KIRREL3: variants seen among roughly 807,000 people sequenced by gnomAD.
KIRREL3 encodes the protein kirre like nephrin family adhesion molecule 3, also known as kin of IRRE-like protein 3.
Under a neutral mutation model 89.7 loss-of-function variants are expected in KIRREL3, and 36 were observed. The observed-to-expected ratio is 0.40, with a 90% CI of 0.31 to 0.53. The LOEUF is 0.53. KIRREL3 is among the 20% of genes least tolerant of loss of function. KIRREL3 has a pLI of 0.49. For missense variants in KIRREL3, 864 were observed against 1,056.6 expected, an observed-to-expected ratio of 0.82 and a Z score of 2.53; for synonymous variants, 445 against 441.4, an observed-to-expected ratio of 1.01 and a Z score of -0.10.
chr11:126,971,046 C>T (rs1949414513), intron 1 of KIRREL3, among the ~76,000 whole-genome samples: 1 of 152,198 alleles, frequency 6.6e-6, no homozygotes, highest in African/African-American at 2.4e-5. Context: ...TTGTTCCCCA[C>T]TCTCAACAGT....
At chr11:126,968,932 G>A (rs532270476) in intron 1 of KIRREL3, among the ~76,000 whole-genome samples, 1 of 152,224 alleles carries the variant, frequency 6.6e-6, no homozygotes, top group East Asian at 1.9e-4. Context: ...AAAAAACGGG[G>A]CATGACTGGA....
At chr11:126,440,059 C>T (rs905100138) in intron 11 of KIRREL3, 3 of 395,780 alleles carry the variant, frequency 7.6e-6, no homozygotes, top group Non-Finnish European at 1.5e-5. Flanking sequence ...CTCCAGGAGG[C>T]ACAGAAAGGG....
At chr11:126,789,701 T>C (rs1418560975) in intron 1 of KIRREL3, among the ~76,000 whole-genome samples, 1 of 152,166 alleles carries the variant, frequency 6.6e-6, no homozygotes, top group Non-Finnish European at 1.5e-5. Context: ...AGTCCAAACT[T>C]CTCCAGATTC....
chr11:126,762,910 G>A (rs541913592), intron 1 of KIRREL3, among the ~76,000 whole-genome samples: 4 of 152,216 alleles, frequency 2.6e-5, no homozygotes, highest in African/African-American at 9.6e-5. Flanking sequence ...TTGCAATAGC[G>A]TCTGCAACTC....
chr11:126,916,325 A>G (rs1263703266), intron 1 of KIRREL3, among the ~76,000 whole-genome samples: 1 of 152,128 alleles, frequency 6.6e-6, no homozygotes, highest in African/African-American at 2.4e-5. Context: ...CACCCAAAGG[A>G]TTTATTAAAA....
In KIRREL3 at chr11:126,491,103, G is replaced by A. The variant is rs1172853172; in HGVS notation, c.434-17637C>T. Among the ~76,000 whole-genome samples, 1 of 152,200 alleles carries A rather than the reference G, an allele frequency of 6.6e-6. No individual in the cohort carries two copies. Among genetic ancestry groups the A allele is most frequent in the South Asian group, 2.1e-4 (1 of 4,828 alleles). Reference sequence around the variant, plus strand: ...GAGGGCTTCAGATAATCCTGAAACCGGAATCCCAAAGACAAGCCCTGAGTC... The same window carrying A: ...GAGGGCTTCAGATAATCCTGAAACCAGAATCCCAAAGACAAGCCCTGAGTC... On this transcript the variant is annotated intron_variant, in intron 4 of 16. Transcript: ENST00000525144. The surrounding 1 kb of genome is among the most constrained non-coding windows in gnomAD (Gnocchi z 5.5).
intron 1 of KIRREL3, among the ~76,000 whole-genome samples, chr11:126,798,325 T>C (rs886818440): frequency 6.6e-6 from 1 of 152,134 alleles, no homozygotes; most frequent in Non-Finnish European, 1.5e-5. Context: ...TTGCTGGGGT[T>C]CCTAACCTGC....
rs1009667896 is a variant in KIRREL3 at position 126,710,392 on chromosome 11, G to A, written c.56-147480C>T. ...TCTCCTCTTCCTGTTGAAGTTCAGC[G>A]TGGTTCTGGAAGTACCTGAGTGGGA... On this transcript the variant is annotated intron_variant, in intron 1 of 16. Transcript: ENST00000525144. This position sits in a 1 kb window ranked among gnomAD's most constrained non-coding sequence, Gnocchi z 4.2. Among the ~76,000 whole-genome samples the A allele has an allele frequency of 5.3e-5, 8 of 152,150 alleles. No homozygotes were observed. The East Asian group carries it at 5.8e-4, about 11-fold the overall frequency.
intron 1 of KIRREL3, among the ~76,000 whole-genome samples, chr11:126,794,177 T>C (rs1950732430): frequency 6.6e-6 from 1 of 152,254 alleles, no homozygotes; most frequent in Non-Finnish European, 1.5e-5. Flanking sequence ...ATGGCTGGGA[T>C]TAATTTTTAA....
In KIRREL3 at chr11:126,475,571, C is replaced by T. The variant is rs930874150; in HGVS notation, c.434-2105G>A. 2.0e-5 allele frequency among the ~76,000 whole-genome samples: 3 copies of T among 152,212 alleles called. No homozygotes were observed. The highest frequency in any genetic ancestry group is 2.0e-4 in the Admixed American group (3 of 15,284). On this transcript the variant is annotated intron_variant, in intron 4 of 16. Transcript: ENST00000525144. The surrounding 1 kb of genome is among the most constrained non-coding windows in gnomAD (Gnocchi z 7.5). ...CAGGGGCAGCGAGCCCCGGACTCCA[C>T]CGAGATCCTGGCTCAGGAACAGAGT...
At chr11:126,921,333 T>G (rs1947266952) in intron 1 of KIRREL3, among the ~76,000 whole-genome samples, 1 of 152,202 alleles carries the variant, frequency 6.6e-6, no homozygotes, top group Non-Finnish European at 1.5e-5. Context: ...TCATGGGACT[T>G]CTCAGCCTCC....
intron 1 of KIRREL3, among the ~76,000 whole-genome samples, chr11:126,644,982 A>G (rs1314260525): frequency 1.3e-5 from 2 of 152,202 alleles, no homozygotes; most frequent in African/African-American, 4.8e-5. Flanking sequence ...GCTAAAATCT[A>G]TGCCCTGGAA....
At chr11:126,658,581 A>T (rs747781131) in intron 1 of KIRREL3, among the ~76,000 whole-genome samples, 9 of 152,178 alleles carry the variant, frequency 5.9e-5, no homozygotes, top group Non-Finnish European at 1.2e-4. Context: ...TAACCTATTG[A>T]TCTTTTATAC....
Position 126,977,565 on chromosome 11 carries a change from C to T in KIRREL3, c.55+22890G>A, listed in dbSNP as rs983644355. Among the ~76,000 whole-genome samples the T allele has an allele frequency of 6.6e-6, 1 of 152,224 alleles. No homozygotes were observed. Among genetic ancestry groups the T allele is most frequent in the African/African-American group, 2.4e-5 (1 of 41,448 alleles). ...ATCATTCCTGTATTCTTTCAACAAG[C>T]ATTTATTGAATGCCTACTATGCACC... On this transcript the variant is annotated intron_variant, in intron 1 of 16. Coordinates refer to ENST00000525144, the MANE Select transcript of KIRREL3 (RefSeq NM_032531.4). The surrounding 1 kb of genome is among the most constrained non-coding windows in gnomAD (Gnocchi z 4.7).
At chr11:126,857,453 T>C (rs1944556936) in intron 1 of KIRREL3, among the ~76,000 whole-genome samples, 1 of 152,186 alleles carries the variant, frequency 6.6e-6, no homozygotes, top group Non-Finnish European at 1.5e-5. Flanking sequence ...ATCCTAGAGC[T>C]TCCCAGCAGG....
intron 1 of KIRREL3, among the ~76,000 whole-genome samples, chr11:126,956,758 A>T (rs571060705): frequency 2.0e-5 from 3 of 152,332 alleles, no homozygotes; most frequent in Admixed American, 2.0e-4. Context: ...CTTTGGAAAT[A>T]TCCGAGTGCT....
chr11:126,858,453 G>A (rs372867138), intron 1 of KIRREL3, among the ~76,000 whole-genome samples: 68 of 152,212 alleles, frequency 4.5e-4, no homozygotes, highest in African/African-American at 1.5e-3. Flanking sequence ...GCTGTCTGTC[G>A]TCAGCAAAAG....
chr11:126,961,649 A>G (rs1441171090), intron 1 of KIRREL3, among the ~76,000 whole-genome samples: 1 of 152,266 alleles, frequency 6.6e-6, no homozygotes, highest in Non-Finnish European at 1.5e-5. Context: ...AAGCTGTAGC[A>G]AGATATGCAG....
intron 4 of KIRREL3, among the ~76,000 whole-genome samples, chr11:126,493,405 T>C (rs939873687): frequency 2.6e-5 from 4 of 151,308 alleles, no homozygotes; most frequent in Non-Finnish European, 5.9e-5. Flanking sequence ...CCTGTAATCC[T>C]AGCACTTTGG....
Sources: gnomAD v4.1 joint callset for allele counts (sites outside exome capture counted in the v4.1 genomes callset) on GRCh38, gnomAD v4.1.1 for gene constraint, Gnocchi (gnomAD v3.1) non-coding constraint, MANE v1.5 for transcripts, NCBI Gene and HGNC (gene_info 2026-07-23, HGNC 2026-07-21) for gene names.